The following GRIK2 variants were observed in gnomAD, a reference collection of about 807,000 sequenced individuals.
GRIK2 encodes the protein glutamate receptor ionotropic, kainate 2.
In GRIK2, 32 loss-of-function variants were observed where a neutral mutation model predicts 100.3. The ratio of observed to expected loss-of-function variants is 0.32; its 90% CI spans 0.24 to 0.43. The LOEUF (loss-of-function observed/expected upper bound fraction) is 0.43. Ranked by LOEUF, GRIK2 falls within the 20% of genes least tolerant of loss-of-function variation. The pLI is 1.00. For missense variants in GRIK2, 843 were observed against 1,114.9 expected, an observed-to-expected ratio of 0.76 and a Z score of 3.47; for synonymous variants, 417 against 389.4, an observed-to-expected ratio of 1.07 and a Z score of -0.83.
At chr6:101,479,096 G>A (rs1185290453) in intron 2 of GRIK2, among the ~76,000 whole-genome samples, 2 of 151,986 alleles carry the variant, frequency 1.3e-5, no homozygotes, top group Non-Finnish European at 2.9e-5. Context: ...ATTTTATTTT[G>A]GTTTTAAAAA....
At chr6:101,785,368 G>A (rs369024965) in intron 7 of GRIK2, among the ~76,000 whole-genome samples, 2 of 152,152 alleles carry the variant, frequency 1.3e-5, no homozygotes, top group African/African-American at 4.8e-5. Context: ...ATGCTTTTGG[G>A]TCCTTAGCCA....
At chr6:101,994,615 A>T (rs1452320644) in intron 14 of GRIK2, among the ~76,000 whole-genome samples, 1 of 151,848 alleles carries the variant, frequency 6.6e-6, no homozygotes. Flanking sequence ...TTTGTCTAAG[A>T]TAGATAAAGG....
At chr6:101,491,481 T>C (rs553709916) in intron 2 of GRIK2, among the ~76,000 whole-genome samples, 1 of 152,192 alleles carries the variant, frequency 6.6e-6, no homozygotes, top group African/African-American at 2.4e-5. Flanking sequence ...GTTTCTAATA[T>C]GTTTTAATTA....
chr6:102,051,741 C>A (rs1235407299), intron 15 of GRIK2, among the ~76,000 whole-genome samples: 2 of 152,130 alleles, frequency 1.3e-5, no homozygotes, highest in African/African-American at 4.8e-5. Context: ...TTCCTCCACT[C>A]ATTTATGGTT....
At chr6:101,689,659 T>C (rs984038979) in intron 7 of GRIK2, among the ~76,000 whole-genome samples, 14 of 152,150 alleles carry the variant, frequency 9.2e-5, no homozygotes, top group Non-Finnish European at 1.9e-4. Flanking sequence ...ACTCACACAG[T>C]ACTTCCAAGC....
chr6:101,822,276 G>T (rs1782007561), intron 10 of GRIK2, among the ~76,000 whole-genome samples: 1 of 146,060 alleles, frequency 6.8e-6, no homozygotes, highest in Non-Finnish European at 1.5e-5. Flanking sequence ...AGATATAAAA[G>T]AAAAGTAAAT....
intron 2 of GRIK2, among the ~76,000 whole-genome samples, chr6:101,403,093 C>G (rs1775414587): frequency 6.6e-6 from 1 of 152,188 alleles, no homozygotes; most frequent in African/African-American, 2.4e-5. Context: ...TAGGGTTCAC[C>G]GTTCGGGAGC....
chr6:101,794,342 G>A (rs997627863), intron 7 of GRIK2, among the ~76,000 whole-genome samples: 10 of 151,720 alleles, frequency 6.6e-5, no homozygotes, highest in Middle Eastern at 3.4e-3. Context: ...GTTCCTATTC[G>A]GTCATCTTGG....
chr6:101,866,138 A>C (rs1186691272), intron 11 of GRIK2, among the ~76,000 whole-genome samples: 2 of 152,194 alleles, frequency 1.3e-5, no homozygotes, highest in Non-Finnish European at 2.9e-5. Context: ...AATATTACAG[A>C]TAATGTTGAA....
At chr6:101,825,829 A>AT (rs1367403986) in intron 10 of GRIK2, among the ~76,000 whole-genome samples, 1 of 151,990 alleles carries the variant, frequency 6.6e-6, no homozygotes, top group African/African-American at 2.4e-5. Flanking sequence ...TAACATTCTC[A>AT]TTTTTTTAGG....
intron 7 of GRIK2, among the ~76,000 whole-genome samples, chr6:101,795,978 A>T (rs765909860): frequency 6.6e-6 from 1 of 152,136 alleles, no homozygotes; most frequent in Non-Finnish European, 1.5e-5. Context: ...TTTATGAAAA[A>T]ATTATATAGA....
chr6:102,063,971 A>C (rs151065001), intron 16 of GRIK2: 1 of 1,505,052 alleles, frequency 6.6e-7, no homozygotes, highest in South Asian at 1.1e-5. Flanking sequence ...GGAATCTTCT[A>C]TTTGGTTAGT....
intron 7 of GRIK2, among the ~76,000 whole-genome samples, chr6:101,781,808 A>G (rs1417211417): frequency 1.3e-5 from 2 of 151,566 alleles, no homozygotes; most frequent in Non-Finnish European, 2.9e-5. Flanking sequence ...TAACCCACCT[A>G]TTATTGAACC....
At chr6:102,042,947 A>G (rs966503391) in intron 15 of GRIK2, among the ~76,000 whole-genome samples, 2 of 151,690 alleles carry the variant, frequency 1.3e-5, no homozygotes, top group African/African-American at 2.4e-5. Context: ...TTACAGGTTG[A>G]TAACATTTTC....
At chr6:101,894,258 A>G (rs1282626727) in intron 12 of GRIK2, among the ~76,000 whole-genome samples, 1 of 151,776 alleles carries the variant, frequency 6.6e-6, no homozygotes, top group African/African-American at 2.4e-5. Context: ...TGTTTTAAAT[A>G]TATTTAACCA....
At chr6:101,541,026 G>A (rs1273860156) in intron 2 of GRIK2, among the ~76,000 whole-genome samples, 1 of 151,920 alleles carries the variant, frequency 6.6e-6, no homozygotes, top group Non-Finnish European at 1.5e-5. Context: ...CAAGTCTTGA[G>A]GAAAGATGGG....
At position 101,595,706 on chromosome 6, in the gene GRIK2, G is replaced by GTATATATA. The variant is rs1417393124; in HGVS notation, c.116-26242_116-26241insATATATAT. Among the ~76,000 whole-genome samples, 236 of 125,280 alleles carry GTATATATA rather than the reference G, an allele frequency of 1.9e-3. 1 individual carries two copies. Among genetic ancestry groups the GTATATATA allele is most frequent in the African/African-American group, 7.2e-3 (227 of 31,584 alleles). 82.2% of individuals were successfully genotyped at this position (125,280 alleles called of 152,430 possible). ...TGTGCATGTATATATATATGTGTGT[G>GTATATATA]TGTGTGTGTGTGTATATATATATAT... On this transcript the variant is annotated intron_variant, in intron 2 of 16. Transcript: ENST00000369134.
At chr6:101,747,676 TAAC>T (rs71697703) in intron 7 of GRIK2, among the ~76,000 whole-genome samples, 14,807 of 152,186 alleles carry the variant, frequency 0.097, 838 homozygotes, top group South Asian at 0.21. Flanking sequence ...CACTATTTTA[TAAC>T]AACATTATAG....
At chr6:101,405,229 T>C (rs1775532096) in intron 2 of GRIK2, among the ~76,000 whole-genome samples, 1 of 152,226 alleles carries the variant, frequency 6.6e-6, no homozygotes, top group South Asian at 2.1e-4. Flanking sequence ...GACTCATTAA[T>C]GCATTATCAA....
Sources: allele counts gnomAD v4.1 joint callset (sites outside exome capture counted in the v4.1 genomes callset), GRCh38; gene constraint gnomAD v4.1.1; transcripts MANE v1.5; gene names NCBI Gene and HGNC (gene_info 2026-07-23, HGNC 2026-07-21).